CCSER1: variants seen among roughly 807,000 people sequenced by gnomAD.
CCSER1 encodes serine-rich coiled-coil domain-containing protein 1.
Under a neutral mutation model 82.0 loss-of-function variants are expected in CCSER1, and 41 were observed. That is an observed-to-expected ratio of 0.50 (90% CI 0.39 to 0.65). The LOEUF is 0.65. CCSER1 is among the 30% of genes least tolerant of loss of function. The pLI is 0.00. For synonymous variants in CCSER1, 414 were observed against 383.9 expected, an observed-to-expected ratio of 1.08 and a Z score of -0.92; for missense variants, 1,119 against 1,064.2, an observed-to-expected ratio of 1.05 and a Z score of -0.72.
intron 9 of CCSER1, among the ~76,000 whole-genome samples, chr4:90,995,085 C>T (rs1179913782): frequency 6.6e-6 from 1 of 152,108 alleles, no homozygotes; most frequent in African/African-American, 2.4e-5. Context: ...CATGCATTCT[C>T]CAAACATTCC....
chr4:90,213,381 A>T (rs185509064), intron 1 of CCSER1, among the ~76,000 whole-genome samples: 1 of 152,220 alleles, frequency 6.6e-6, no homozygotes, highest in Admixed American at 6.5e-5. Flanking sequence ...TAAGGTTGAG[A>T]TGTCTATTGG....
At chr4:91,370,331 C>G (rs1351362576) in intron 10 of CCSER1, among the ~76,000 whole-genome samples, 1 of 151,944 alleles carries the variant, frequency 6.6e-6, no homozygotes, top group African/African-American at 2.4e-5. Context: ...TTTAAGTAAA[C>G]CAGAAAATAT....
chr4:91,173,716 T>A (rs1733014446), intron 10 of CCSER1, among the ~76,000 whole-genome samples: 2 of 152,126 alleles, frequency 1.3e-5, no homozygotes, highest in African/African-American at 4.8e-5. Context: ...AGCCTGGAAT[T>A]AGCCATTTTA....
chr4:90,140,749 C>T lies in CCSER1; in HGVS notation c.-42+12918C>T, dbSNP rs543054723. On this transcript the variant is annotated intron_variant, in intron 1 of 10. Transcript: ENST00000509176. The stretch of plus-strand genomic sequence containing the variant: ...GTGCGATCTTGGCTCACTGTAACCT[C>T]CAACTCCCTGGTTCAAGGGATTCTC... 3.5e-5 allele frequency among the ~76,000 whole-genome samples: 5 copies of T among 144,908 alleles called. No individual in the cohort carries two copies. In the East Asian group the frequency reaches 1.0e-3, roughly 30 times the overall value.
chr4:91,263,456 T>G (rs1402554012), intron 10 of CCSER1, among the ~76,000 whole-genome samples: 1 of 151,968 alleles, frequency 6.6e-6, no homozygotes, highest in Non-Finnish European at 1.5e-5. Context: ...TATATATCAC[T>G]TGAAAGTTAC....
rs901431285 is a variant in CCSER1 at position 90,317,808 on chromosome 4, A to T, written c.1509+4761A>T. On this transcript the variant is annotated intron_variant, in intron 3 of 10. Coordinates refer to ENST00000509176, the MANE Select transcript of CCSER1 (RefSeq NM_001145065.2). ...AACTCTGCAAACATTGCCTTTTACC[A>T]TGGCAAAAAGAAAGAGATCTCTGGA... 5.3e-5 allele frequency among the ~76,000 whole-genome samples: 8 copies of T among 152,176 alleles called. No homozygotes were observed. The East Asian group carries it at 1.5e-3, about 29-fold the overall frequency.
chr4:90,575,633 CTA>C (rs1780657759), intron 5 of CCSER1, among the ~76,000 whole-genome samples: 1 of 152,188 alleles, frequency 6.6e-6, no homozygotes, highest in Non-Finnish European at 1.5e-5. Context: ...ACACAAGCCT[CTA>C]TGTATCATCA....
intron 10 of CCSER1, among the ~76,000 whole-genome samples, chr4:91,348,615 A>G (rs1256277775): frequency 2.6e-5 from 4 of 152,254 alleles, no homozygotes; most frequent in Admixed American, 6.5e-5. Flanking sequence ...GAATGTTATT[A>G]TTTACTGATC....
chr4:90,585,052 T>G (rs553240937), intron 5 of CCSER1, among the ~76,000 whole-genome samples: 105 of 152,258 alleles, frequency 6.9e-4, no homozygotes, highest in African/African-American at 2.2e-3. Flanking sequence ...ACAATTCAAT[T>G]GAGAATGAAC....
At chr4:90,624,642 A>G (rs1722946711) in intron 5 of CCSER1, among the ~76,000 whole-genome samples, 1 of 152,216 alleles carries the variant, frequency 6.6e-6, no homozygotes, top group Non-Finnish European at 1.5e-5. Flanking sequence ...GTTAAGTATC[A>G]GTTGAAAGTC....
At chr4:90,562,591 G>A (rs796904997) in intron 5 of CCSER1, among the ~76,000 whole-genome samples, 8 of 152,088 alleles carry the variant, frequency 5.3e-5, no homozygotes, top group African/African-American at 1.9e-4. Flanking sequence ...AGGCTGGAGT[G>A]CAGTGGGGCA....
At chr4:90,723,622 AATG>A (rs1489031104) in intron 6 of CCSER1, among the ~76,000 whole-genome samples, 1 of 151,912 alleles carries the variant, frequency 6.6e-6, no homozygotes, top group Non-Finnish European at 1.5e-5. Context: ...TAAATTAAGC[AATG>A]ATGATAATAA....
chr4:91,303,126 T>C (rs1297836615), intron 10 of CCSER1, among the ~76,000 whole-genome samples: 3 of 151,970 alleles, frequency 2.0e-5, no homozygotes, highest in Admixed American at 6.6e-5. Flanking sequence ...CATAAAATGA[T>C]CCCAGTAGTC....
At chr4:90,340,169 G>A (rs1244915557) in intron 3 of CCSER1, among the ~76,000 whole-genome samples, 1 of 152,038 alleles carries the variant, frequency 6.6e-6, no homozygotes, top group African/African-American at 2.4e-5. Flanking sequence ...TTTTCATAAA[G>A]TTCTGAATTA....
At chr4:90,267,028 A>G (rs1001826867) in intron 1 of CCSER1, among the ~76,000 whole-genome samples, 2 of 151,962 alleles carry the variant, frequency 1.3e-5, no homozygotes, top group East Asian at 1.9e-4. Flanking sequence ...TAGAGCACCA[A>G]GCCAACTCTT....
intron 8 of CCSER1, among the ~76,000 whole-genome samples, chr4:90,845,359 T>TAAAAAAAAAAAA (rs886923723): frequency 1.0e-5 from 1 of 96,588 alleles, no homozygotes. Flanking sequence ...AGACGCCATC[T>TAAAAAAAAAAAA]AAAAAAAAAA....
chr4:90,671,695 G>C (rs1732828786), intron 6 of CCSER1, among the ~76,000 whole-genome samples: 1 of 152,000 alleles, frequency 6.6e-6, no homozygotes, highest in African/African-American at 2.4e-5. Context: ...AATGTTCTTA[G>C]TGGCATCTAA....
intron 1 of CCSER1, among the ~76,000 whole-genome samples, chr4:90,274,230 G>A (rs1384287676): frequency 2.0e-5 from 3 of 152,072 alleles, no homozygotes; most frequent in Admixed American, 6.6e-5. Context: ...AAGGACATTG[G>A]TTAAGGGCAC....
At chr4:91,044,694 C>G (rs1236776157) in intron 9 of CCSER1, among the ~76,000 whole-genome samples, 1 of 152,154 alleles carries the variant, frequency 6.6e-6, no homozygotes, top group Non-Finnish European at 1.5e-5. Flanking sequence ...ACCTCATCTC[C>G]CAACCTACTC....
Sources: allele counts gnomAD v4.1 joint callset (sites outside exome capture counted in the v4.1 genomes callset), GRCh38; gene constraint gnomAD v4.1.1; transcripts MANE v1.5; gene names NCBI Gene and HGNC (gene_info 2026-07-23, HGNC 2026-07-21).